HSP90B1: variants seen among roughly 807,000 people sequenced by gnomAD.
The protein encoded by HSP90B1 is endoplasmin.
In HSP90B1, 27 loss-of-function variants were observed where a neutral mutation model predicts 100.4. The observed-to-expected ratio is 0.27, with a 90% CI of 0.20 to 0.37. The LOEUF (loss-of-function observed/expected upper bound fraction) is 0.37. Ranked by LOEUF, HSP90B1 falls within the 10% of genes least tolerant of loss-of-function variation. The pLI is 1.00. For missense variants in HSP90B1, 678 were observed against 960.5 expected, an observed-to-expected ratio of 0.71 and a Z score of 3.89; for synonymous variants, 304 against 330.8, an observed-to-expected ratio of 0.92 and a Z score of 0.88.
intron 4 of HSP90B1, 33 bp downstream of exon 4, chr12:103,932,975 G>A (rs1437997724): frequency 4.6e-6 from 5 of 1,092,960 alleles, no homozygotes; most frequent in Non-Finnish European, 7.1e-6. Context: ...TTCTTTTAAA[G>A]GAAAAGGAAT....
Position 103,946,775 on chromosome 12 carries a change from T to C in HSP90B1, c.2107-11T>C, listed in dbSNP as rs1870248362. 1.9e-6 allele frequency: 3 copies of C among 1,613,768 alleles called. No homozygotes were observed. The highest frequency in any genetic ancestry group is 2.5e-6 in the Non-Finnish European group (3 of 1,179,794). ...TTTAATATTAATCTAGTGCATCTTC[T>C]TGCATTTCAGGAAGATGAAGATGAT... On this transcript the variant is annotated splice_polypyrimidine_tract_variant and intron_variant, in intron 15 of 17. Transcript: ENST00000299767.
Position 103,943,079 on chromosome 12 carries a change from A to G in HSP90B1, c.1650A>G (p.Glu550=). The part of the protein sequence containing the change: ...FMAGSSRKEA[E]SSPFVERLLK... ...GTGACTTCTTAATTTTGTAGGCTGA[A>G]TCTTCTCCATTTGTTGAGCGACTTC... is the stretch of plus-strand genomic sequence containing the variant. Residue 550 remains glutamate, a synonymous_variant, in exon 13 of 18, where the codon GAA becomes GAG. Transcript: ENST00000299767. This position sits in a 1 kb window ranked among gnomAD's most constrained non-coding sequence, Gnocchi z 5.3. 1 of 1,613,920 alleles carries G rather than the reference A, an allele frequency of 6.2e-7. No homozygotes were observed.
At position 103,934,258 on chromosome 12, in the gene HSP90B1, A is replaced by T; in HGVS notation, c.714A>T (p.Gly238=). The T allele has an allele frequency of 6.2e-7, 1 of 1,614,066 alleles. No individual in the cohort carries two copies. The highest frequency in any genetic ancestry group is 8.5e-7 in the Non-Finnish European group (1 of 1,179,888). Residue 238 remains glycine (G), a synonymous_variant, in exon 5 of 18, where the codon GGA becomes GGT. Coordinates refer to ENST00000299767, the MANE Select transcript of HSP90B1 (RefSeq NM_003299.3). ...TTTCTGTAATTGCTGACCCAAGAGG[A>T]AACACTCTAGGACGGGGAACGACAA... ...NEFSVIADPR[G]NTLGRGTTIT... is the part of the protein sequence containing the mutation.
At chr12:103,940,531 A>G (rs147751189) in intron 8 of HSP90B1, among the ~76,000 whole-genome samples, 110 of 152,262 alleles carry the variant, frequency 7.2e-4, no homozygotes, top group African/African-American at 2.6e-3. Context: ...TCTCTATTCC[A>G]TATCCTTTAA....
In HSP90B1 at chr12:103,947,337, T is replaced by C; in HGVS notation, c.2289T>C (p.Pro763=). ...TGGAAGAAGAGCCCGAAGAAGAACC[T>C]GAAGAGACAGCAGAAGACACAACAG... is the stretch of plus-strand genomic sequence containing the variant. ...AKVEEEPEEE[P]EETAEDTTED... is the part of the protein sequence containing the mutation. The change falls in exon 17 of 18, where the codon CCT becomes CCC. Residue 763 remains proline (P), a synonymous_variant. Transcript: ENST00000299767. 6.2e-7 allele frequency: 1 copy of C among 1,604,136 alleles called. No individual in the cohort carries two copies. Among genetic ancestry groups the C allele is most frequent in the South Asian group, 1.1e-5 (1 of 89,878 alleles).
intron 4 of HSP90B1, 67 bp from the exon 5 acceptor site, chr12:103,933,889 T>C (rs2136212950): frequency 7.8e-7 from 1 of 1,288,988 alleles, no homozygotes; most frequent in Non-Finnish European, 1.1e-6. Flanking sequence ...GCTGGTTAGT[T>C]CCTCAATATT....
In HSP90B1 at chr12:103,943,522, T is replaced by C. The variant is rs906751201; in HGVS notation, c.1890+203T>C. ...ATAACTTGTTACAAATTAAATTTTA[T>C]GTTTTTAAAAGGTGGTATTTAAACT... On this transcript the variant is annotated intron_variant, in intron 13 of 17. Coordinates refer to ENST00000299767, the MANE Select transcript of HSP90B1 (RefSeq NM_003299.3). This position sits in a 1 kb window ranked among gnomAD's most constrained non-coding sequence, Gnocchi z 5.3. 1.6e-5 allele frequency: 11 copies of C among 707,442 alleles called. No individual in the cohort carries two copies. In the East Asian group the frequency reaches 2.0e-4, roughly 13 times the overall value. 43.8% of individuals were successfully genotyped at this position (707,442 alleles called of 1,614,324 possible).
chr12:103,938,159 A>G, intron 6 of HSP90B1, 181 bp from the exon 7 acceptor site: 1 of 472,876 alleles, frequency 2.1e-6, no homozygotes, highest in Non-Finnish European at 3.7e-6. Context: ...TGACAAAGCA[A>G]GACTCTGTCT....
chr12:103,941,502 T>G lies in HSP90B1; in HGVS notation c.1185T>G (p.Arg395=). 1.9e-6 allele frequency: 3 copies of G among 1,614,166 alleles called. No individual in the cohort carries two copies. Among genetic ancestry groups the G allele is most frequent in the Non-Finnish European group, 2.5e-6 (3 of 1,179,994 alleles). Reference sequence around the variant, plus strand: ...TATTTGTACCCACATCTGCTCCACGTGGTCTGTTTGACGAATATGGATCTA... The same window carrying G: ...TATTTGTACCCACATCTGCTCCACGGGGTCTGTTTGACGAATATGGATCTA... The part of the protein sequence containing the change: ...SILFVPTSAP[R]GLFDEYGSKK... The change falls in exon 9 of 18, where the codon CGT becomes CGG. Residue 395 remains arginine (R), a synonymous_variant. Transcript: ENST00000299767.
In HSP90B1 at chr12:103,934,273, G is replaced by A. The variant is rs917031354; in HGVS notation, c.729G>A (p.Arg243=). 4 of 1,612,814 alleles carry A rather than the reference G, an allele frequency of 2.5e-6. No individual in the cohort carries two copies. The African/African-American group carries it at 4.0e-5, about 16-fold the overall frequency. ...ACCCAAGAGGAAACACTCTAGGACG[G>A]GGAACGACAATTACGTGAGTATGAC... ...IADPRGNTLG[R]GTTITLVLKE... Residue 243 remains arginine (R), a synonymous_variant, in exon 5 of 18, where the codon CGG becomes CGA. Coordinates refer to ENST00000299767, the MANE Select transcript of HSP90B1 (RefSeq NM_003299.3).
chr12:103,943,050 C>G lies in HSP90B1; in HGVS notation c.1645-24C>G. 1 of 1,611,572 alleles carries G rather than the reference C, an allele frequency of 6.2e-7. No homozygotes were observed. Among genetic ancestry groups the G allele is most frequent in the Non-Finnish European group, 8.5e-7 (1 of 1,178,600 alleles). ...ATACACCAGGGCCAGACTTGGAAAA[C>G]TTTGTGACTTCTTAATTTTGTAGGC... On this transcript the variant is annotated intron_variant, in intron 12 of 17. Transcript: ENST00000299767. The surrounding 1 kb of genome is among the most constrained non-coding windows in gnomAD (Gnocchi z 5.3).
intron 14 of HSP90B1, among the ~76,000 whole-genome samples, chr12:103,945,835 A>G (rs547517651): frequency 4.4e-4 from 67 of 152,250 alleles, no homozygotes; most frequent in Non-Finnish European, 8.8e-4. Context: ...TGTAATCTCA[A>G]CACTTTGGGA....
At chr12:103,947,108 C>T (rs768107970) in intron 16 of HSP90B1, among the ~76,000 whole-genome samples, 167 bp downstream of exon 16, 3 of 152,224 alleles carry the variant, frequency 2.0e-5, no homozygotes, top group Non-Finnish European at 4.4e-5. Flanking sequence ...TCAGGCACTG[C>T]ACTAGAAACT....
At chr12:103,931,724 C>A in intron 2 of HSP90B1, 101 bp downstream of exon 2, 1 of 830,974 alleles carries the variant, frequency 1.2e-6, no homozygotes, top group Non-Finnish European at 2.0e-6. Flanking sequence ...CAGATAAAGT[C>A]TAACACCCTG....
At chr12:103,946,177 CCTTT>C (rs1166609482) in intron 14 of HSP90B1, among the ~76,000 whole-genome samples, 1 of 151,546 alleles carries the variant, frequency 6.6e-6, no homozygotes, top group South Asian at 2.1e-4. Flanking sequence ...CTTGTTTTGC[CCTTT>C]CTAATATTTT....
In HSP90B1 at chr12:103,946,793, A is replaced by C. The variant is rs956056573; in HGVS notation, c.2114A>C (p.Glu705Ala). ...RDMLRRIKED[E>A]DDKTVLDLAV... ...CATCTTCTTGCATTTCAGGAAGATG[A>C]AGATGATAAAACAGTTTTGGATCTT... The change falls in exon 16 of 18, where the codon GAA (glutamate) becomes GCA (alanine). Residue 705 changes from glutamate (E) to alanine (A), a missense_variant. Physicochemically the swap from Glu to Ala is moderately radical, Grantham distance 107. Transcript: ENST00000299767. 6.2e-7 allele frequency: 1 copy of C among 1,614,006 alleles called. No homozygotes were observed. Among genetic ancestry groups the C allele is most frequent in the African/African-American group, 1.3e-5 (1 of 75,050 alleles).
intron 12 of HSP90B1, 32 bp downstream of exon 12, chr12:103,942,828 T>C: frequency 6.2e-7 from 1 of 1,608,346 alleles, no homozygotes; most frequent in East Asian, 2.2e-5. Context: ...TGTCAGCCAT[T>C]CTGGAAGGTA....
In HSP90B1 at chr12:103,932,304, A is replaced by G. The variant is rs752239659; in HGVS notation, c.180A>G (p.Gly60=). The change falls in exon 3 of 18, where the codon GGA becomes GGG. Residue 60 remains glycine, a synonymous_variant. Transcript: ENST00000299767. The part of the protein sequence containing the change: ...QREEEAIQLD[G]LNASQIRELR... ...AGGAAGAAGCTATTCAGTTGGATGGATTAAATGCATCACAAATAAGAGAAC... is the reference window on the plus strand; with the variant it reads ...AGGAAGAAGCTATTCAGTTGGATGGGTTAAATGCATCACAAATAAGAGAAC... 1.1e-5 allele frequency: 18 copies of G among 1,612,860 alleles called. No homozygotes were observed. The highest frequency in any genetic ancestry group is 1.5e-5 in the Non-Finnish European group (18 of 1,179,504).
Position 103,947,612 on chromosome 12 carries a change from G to T in HSP90B1, c.2383-21G>T, listed in dbSNP as rs763551979. 6 of 1,569,092 alleles carry T rather than the reference G, an allele frequency of 3.8e-6. No homozygotes were observed. In the African/African-American group the frequency reaches 5.5e-5, roughly 14 times the overall value. On this transcript the variant is annotated intron_variant, in intron 17 of 17. Coordinates refer to ENST00000299767, the MANE Select transcript of HSP90B1 (RefSeq NM_003299.3). ...TCTGCTAACTTTTAATACCTTCTGG[G>T]TTTTTTTTATTTATTTACAGGAATC... is the stretch of plus-strand genomic sequence containing the variant.
Sources: gnomAD v4.1 joint callset for allele counts (sites outside exome capture counted in the v4.1 genomes callset) on GRCh38, gnomAD v4.1.1 for gene constraint, Gnocchi (gnomAD v3.1) non-coding constraint, MANE v1.5 for transcripts, NCBI Gene and HGNC (gene_info 2026-07-23, HGNC 2026-07-21) for gene names.